The following NAAA variants were observed in gnomAD, a reference collection of about 807,000 sequenced individuals.
The protein encoded by NAAA is N-acylethanolamine acid amidase, also known as N-acylethanolamine-hydrolyzing acid amidase.
A neutral mutation model predicts 44.8 loss-of-function variants in NAAA; 39 were observed. The observed-to-expected ratio is 0.87, with a 90% CI of 0.67 to 1.14. NAAA has a LOEUF of 1.14. Ranked by LOEUF, NAAA falls within the 50% of genes most tolerant of loss-of-function variation. The pLI is 0.00. For missense variants in NAAA, 460 were observed against 467.8 expected (o/e 0.98, Z 0.15); for synonymous variants, 178 against 191.3 (o/e 0.93, Z 0.58).
Position 75,925,302 on chromosome 4 carries a change from T to C in NAAA, c.666+433A>G, listed in dbSNP as rs193269854. ...CACCCTCCTTGGCCTCCCAAAGTGC[T>C]GGGATTACAGGCGTGAGCCACTGCG... is the stretch of plus-strand genomic sequence containing the variant. On this transcript the variant is annotated intron_variant, in intron 5 of 10. Coordinates refer to ENST00000286733, the MANE Select transcript of NAAA (RefSeq NM_014435.4). 3.3e-3 allele frequency among the ~76,000 whole-genome samples: 503 copies of C among 152,362 alleles called. 1 individual carries two copies. The highest frequency in any genetic ancestry group is 0.012 in the African/African-American group (484 of 41,590).
downstream of NAAA, among the ~76,000 whole-genome samples, chr4:75,912,247 T>G (rs569034587): frequency 3.6e-4 from 55 of 152,068 alleles, no homozygotes; most frequent in Non-Finnish European, 6.5e-4. Context: ...GGAATAAGAC[T>G]AATAAGTAGA....
At chr4:75,921,824 C>T (rs75949269) in intron 5 of NAAA, among the ~76,000 whole-genome samples, 3,501 of 152,248 alleles carry the variant, frequency 0.023, 134 homozygotes, top group African/African-American at 0.079. Flanking sequence ...AAAGAGCATG[C>T]GCTACATTAG....
chr4:75,921,662 A>C (rs535957183), intron 5 of NAAA, among the ~76,000 whole-genome samples: 1 of 152,314 alleles, frequency 6.6e-6, no homozygotes, highest in East Asian at 1.9e-4. Flanking sequence ...CACCAAGGGC[A>C]GTGGAGGAGG....
chr4:75,923,404 A>T (rs1726358046), intron 5 of NAAA, among the ~76,000 whole-genome samples: 1 of 152,232 alleles, frequency 6.6e-6, no homozygotes, highest in East Asian at 1.9e-4. Context: ...AACAAAGAGC[A>T]GCCTGAAAAA....
At chr4:75,926,492 C>T (rs573138615) in intron 4 of NAAA, among the ~76,000 whole-genome samples, 24 of 134,084 alleles carry the variant, frequency 1.8e-4, no homozygotes, top group Admixed American at 4.3e-4. Context: ...ACCTGGGAGG[C>T]GGAGGTTGCA....
intron 5 of NAAA, among the ~76,000 whole-genome samples, chr4:75,923,093 C>T (rs113676410): frequency 0.023 from 3,443 of 151,700 alleles, 131 homozygotes; most frequent in African/African-American, 0.078. Flanking sequence ...TTACTTCTTT[C>T]CAGACATGGG....
chr4:75,940,831 A>G lies in NAAA; in HGVS notation c.119T>C (p.Leu40Pro). ...PPAAPRFNVS[L>P]DSVPELRWLP... is the part of the protein sequence containing the mutation. ...CCAGCGCAGCTCGGGGACCGAGTCC[A>G]GGCTCACGTTGAAGCGCGGCGCTGC... Residue 40 changes from leucine to proline, a missense_variant, in exon 1 of 11, where the codon CTG becomes CCG. Transcript: ENST00000286733. 1.3e-6 allele frequency: 2 copies of G among 1,593,870 alleles called. No individual in the cohort carries two copies. Among genetic ancestry groups the G allele is most frequent in the Non-Finnish European group, 1.7e-6 (2 of 1,177,374 alleles).
chr4:75,925,284 C>T (rs887783152), intron 5 of NAAA, among the ~76,000 whole-genome samples: 4 of 152,338 alleles, frequency 2.6e-5, no homozygotes, highest in Admixed American at 6.5e-5. Context: ...ATCCACCCTC[C>T]TTGGCCTCCC....
At chr4:75,926,643 G>T (rs1233496657) in intron 4 of NAAA, among the ~76,000 whole-genome samples, 2 of 150,820 alleles carry the variant, frequency 1.3e-5, no homozygotes, top group Non-Finnish European at 2.9e-5. Context: ...ATTAATAAGA[G>T]ATTAATATCC....
intron 9 of NAAA, chr4:75,917,218 A>G (rs1351590169): frequency 7.9e-6 from 3 of 379,146 alleles, no homozygotes; most frequent in African/African-American, 2.2e-5. Context: ...AGTGCATTGG[A>G]GCTAGCTCCT....
chr4:75,922,436 T>A (rs1211074726), intron 5 of NAAA, among the ~76,000 whole-genome samples: 2 of 151,266 alleles, frequency 1.3e-5, no homozygotes, highest in Non-Finnish European at 2.9e-5. Context: ...GGTCATATGA[T>A]CCCCTTTCCA....
At chr4:75,936,918 A>C (rs1727773131) in intron 2 of NAAA, among the ~76,000 whole-genome samples, 1 of 152,230 alleles carries the variant, frequency 6.6e-6, no homozygotes, top group Non-Finnish European at 1.5e-5. Flanking sequence ...CAGTATGTCC[A>C]ATACCAGAGG....
rs938629497 is a variant in NAAA at position 75,940,337 on chromosome 4, T to TG, written c.207-173dup. On this transcript the variant is annotated intron_variant, in intron 1 of 10. Coordinates refer to ENST00000286733, the MANE Select transcript of NAAA (RefSeq NM_014435.4). ...CACTCAATCTGCAGCCTCCCGGGAG[T>TG]GGGGGGAAGGGGGCGGGGGGAAGGC... 7 of 93,088 alleles carry TG rather than the reference T, an allele frequency of 7.5e-5. No individual in the cohort carries two copies. In the Admixed American group the frequency reaches 1.1e-3, roughly 14 times the overall value. 5.8% of individuals were successfully genotyped at this position (93,088 alleles called of 1,614,324 possible). A position where few individuals can be genotyped will look rare whatever the true frequency, so the allele number is the denominator to read the frequency against.
intron 10 of NAAA, 40 bp from the exon 11 acceptor site, chr4:75,914,378 A>AT (rs112092179): frequency 0.073 from 52,084 of 716,872 alleles, 40 homozygotes; most frequent in Middle Eastern, 0.085. Flanking sequence ...TCAAAGACTG[A>AT]TTTTTTTTTT....
chr4:75,932,759 T>C (rs941750059), intron 3 of NAAA, among the ~76,000 whole-genome samples: 1 of 152,180 alleles, frequency 6.6e-6, no homozygotes, highest in Non-Finnish European at 1.5e-5. Context: ...CTGTCTTGGC[T>C]TCTCAAAGTG....
rs898110099 is a variant in NAAA, at chr4:75,940,825, G to C, written c.125C>G (p.Ser42Trp). 6.3e-7 allele frequency: 1 copy of C among 1,596,284 alleles called. No individual in the cohort carries two copies. Among genetic ancestry groups the C allele is most frequent in the Non-Finnish European group, 8.5e-7 (1 of 1,178,192 alleles). The change falls in exon 1 of 11, where the codon TCG becomes TGG. Residue 42 changes from serine (S) to tryptophan (W), a missense_variant. Ser to Trp is a radical substitution (Grantham distance 177). Transcript: ENST00000286733. ...AAPRFNVSLD[S>W]VPELRWLPVL... is the part of the protein sequence containing the mutation. ...GGGCAGCCAGCGCAGCTCGGGGACC[G>C]AGTCCAGGCTCACGTTGAAGCGCGG...
intron 9 of NAAA, among the ~76,000 whole-genome samples, chr4:75,917,940 T>C (rs73825582): frequency 1.6e-3 from 248 of 152,220 alleles, no homozygotes; most frequent in African/African-American, 5.7e-3. Context: ...GCTTCGGAGA[T>C]AGTGGAAATT....
At chr4:75,922,377 C>CAAA (rs34680013) in intron 5 of NAAA, among the ~76,000 whole-genome samples, 2 of 105,394 alleles carry the variant, frequency 1.9e-5, no homozygotes, top group Admixed American at 1.1e-4. Flanking sequence ...GACCCTGTCT[C>CAAA]AAAAAAAAAA....
chr4:75,939,777 T>C (rs1404954445), intron 2 of NAAA: 4 of 549,366 alleles, frequency 7.3e-6, no homozygotes, highest in Non-Finnish European at 1.3e-5. Context: ...GGGCTACACG[T>C]AGAGGGAAAG....
Sources: allele counts gnomAD v4.1 joint callset (sites outside exome capture counted in the v4.1 genomes callset), GRCh38; gene constraint gnomAD v4.1.1; transcripts MANE v1.5; gene names NCBI Gene and HGNC (gene_info 2026-07-23, HGNC 2026-07-21).